WDPCP: variants seen among roughly 807,000 people sequenced by gnomAD.
WDPCP encodes WD repeat containing planar cell polarity effector, also known as WD repeat-containing and planar cell polarity effector protein fritz homolog.
In WDPCP, 71 loss-of-function variants were observed where a neutral mutation model predicts 93.1. That is an observed-to-expected ratio of 0.76 (90% CI 0.63 to 0.93). The LOEUF (loss-of-function observed/expected upper bound fraction) is 0.93, where lower values mean the gene tolerates loss of function less well. Ranked by LOEUF, WDPCP falls within the 40% of genes least tolerant of loss-of-function variation. The pLI is 0.00. For synonymous variants in WDPCP, 315 were observed against 315.0 expected (o/e 1.00, Z 0.00); for missense variants, 844 against 887.4 (o/e 0.95, Z 0.62).
At chr2:63,719,019 A>G (rs1669377355) in intron 2 of WDPCP, among the ~76,000 whole-genome samples, 1 of 152,258 alleles carries the variant, frequency 6.6e-6, no homozygotes, top group African/African-American at 2.4e-5. Context: ...AAAAGAAGAT[A>G]TGGAAAATTT....
chr2:63,185,990 T>C (rs1307234908), intron 14 of WDPCP, among the ~76,000 whole-genome samples: 1 of 152,020 alleles, frequency 6.6e-6, no homozygotes, highest in Admixed American at 6.6e-5. Flanking sequence ...ACCAAATGCC[T>C]GGAGATATGC....
rs950814256 is a variant in WDPCP, at chr2:63,488,537, G to A, written c.161-1043C>T. 7.2e-5 allele frequency among the ~76,000 whole-genome samples: 11 copies of A among 152,022 alleles called. No homozygotes were observed. The South Asian group carries it at 1.2e-3, about 17-fold the overall frequency. Reference sequence around the variant, plus strand: ...AATATATCTAATAAGGATTTATTGCGAAAAATCATGAGTAGGACTTCTTGG... The same window carrying A: ...AATATATCTAATAAGGATTTATTGCAAAAAATCATGAGTAGGACTTCTTGG... On this transcript the variant is annotated intron_variant, in intron 2 of 17. Coordinates refer to ENST00000272321, the MANE Select transcript of WDPCP (RefSeq NM_015910.7).
intron 12 of WDPCP, among the ~76,000 whole-genome samples, chr2:63,345,688 G>GTA (rs1689144266): frequency 6.6e-6 from 1 of 152,130 alleles, no homozygotes; most frequent in Admixed American, 6.6e-5. Context: ...TAAAGTCAGG[G>GTA]AACTGCTTAG....
intron 1 of WDPCP, among the ~76,000 whole-genome samples, chr2:63,526,952 C>T (rs960618977): frequency 2.6e-5 from 4 of 152,014 alleles, no homozygotes; most frequent in East Asian, 1.9e-4. Context: ...ATTCGATGAA[C>T]GGAGATTAGG....
intron 2 of WDPCP, among the ~76,000 whole-genome samples, chr2:63,714,367 C>T (rs1490107077): frequency 6.6e-6 from 1 of 152,002 alleles, no homozygotes; most frequent in South Asian, 2.1e-4. Context: ...CGCGCCTGGC[C>T]TTCCTTTTAT....
intron 2 of WDPCP, among the ~76,000 whole-genome samples, chr2:63,776,943 T>C (rs964384265): frequency 6.6e-6 from 1 of 152,182 alleles, no homozygotes; most frequent in Non-Finnish European, 1.5e-5. Flanking sequence ...GGGAAGAGGT[T>C]GGTCAATGAG....
chr2:63,263,766 G>A (rs566971141), intron 13 of WDPCP, among the ~76,000 whole-genome samples: 10 of 152,268 alleles, frequency 6.6e-5, no homozygotes, highest in Non-Finnish European at 1.2e-4. Context: ...TGGACATGGA[G>A]TAAAGCTCAT....
intron 13 of WDPCP, among the ~76,000 whole-genome samples, chr2:63,287,533 T>C (rs1286847904): frequency 6.6e-6 from 1 of 152,202 alleles, no homozygotes; most frequent in East Asian, 1.9e-4. Context: ...CTCCCAATTT[T>C]GGTAGCAATC....
chr2:63,319,027 C>T (rs766395377), intron 12 of WDPCP, among the ~76,000 whole-genome samples: 2 of 152,016 alleles, frequency 1.3e-5, no homozygotes, highest in Non-Finnish European at 2.9e-5. Flanking sequence ...ATAGACTGAC[C>T]CTAGACTTCT....
At chr2:63,615,446 C>T (rs1298252384) in intron 3 of WDPCP, among the ~76,000 whole-genome samples, 2 of 152,090 alleles carry the variant, frequency 1.3e-5, no homozygotes, top group African/African-American at 2.4e-5. Flanking sequence ...GCCAAGGAGC[C>T]GTCTGCATAA....
chr2:63,358,144 T>C (rs577688259), intron 12 of WDPCP, among the ~76,000 whole-genome samples: 1 of 152,266 alleles, frequency 6.6e-6, no homozygotes, highest in African/African-American at 2.4e-5. Context: ...CTAGGCTTAA[T>C]ACCTGGGTAA....
At chr2:63,393,682 A>C (rs1693474797) in intron 10 of WDPCP, among the ~76,000 whole-genome samples, 1 of 152,162 alleles carries the variant, frequency 6.6e-6, no homozygotes, top group Non-Finnish European at 1.5e-5. Context: ...ACTATACCAC[A>C]ATGATGCAAT....
intron 1 of WDPCP, among the ~76,000 whole-genome samples, chr2:63,554,996 C>A (rs147867927): frequency 6.6e-6 from 1 of 152,228 alleles, no homozygotes; most frequent in African/African-American, 2.4e-5. Flanking sequence ...TAGGAGATCC[C>A]CTCATGAGCT....
chr2:63,744,229 A>G (rs1000494873), intron 2 of WDPCP, among the ~76,000 whole-genome samples: 6 of 152,130 alleles, frequency 3.9e-5, no homozygotes, highest in Non-Finnish European at 7.4e-5. Flanking sequence ...GTTTAAGGAA[A>G]TGGTGCCTTC....
At chr2:63,326,468 A>G (rs182401812) in intron 12 of WDPCP, among the ~76,000 whole-genome samples, 40 of 152,272 alleles carry the variant, frequency 2.6e-4, no homozygotes, top group South Asian at 8.3e-4. Context: ...AACTAGTGGC[A>G]CTTACCTGAG....
At chr2:63,680,362 A>G (rs1395694189) in intron 2 of WDPCP, among the ~76,000 whole-genome samples, 2 of 152,220 alleles carry the variant, frequency 1.3e-5, no homozygotes, top group Admixed American at 6.5e-5. Flanking sequence ...GCTGCACAGC[A>G]TGGAGAATCT....
At chr2:63,164,319 G>A (rs772136610) in intron 15 of WDPCP, among the ~76,000 whole-genome samples, 1 of 152,134 alleles carries the variant, frequency 6.6e-6, no homozygotes, top group Non-Finnish European at 1.5e-5. Flanking sequence ...ATGTCAAACT[G>A]TAATCCCCAG....
chr2:63,483,524 CA>C (rs1345898628), intron 6 of WDPCP, among the ~76,000 whole-genome samples: 1 of 151,316 alleles, frequency 6.6e-6, no homozygotes, highest in African/African-American at 2.4e-5. Context: ...GTAGACTAGA[CA>C]AAAAAATGAG....
chr2:63,139,157 GTA>G (rs1670870654), intron 17 of WDPCP, among the ~76,000 whole-genome samples: 1 of 95,102 alleles, frequency 1.1e-5, no homozygotes, highest in African/African-American at 3.8e-5. Context: ...ATATGTGTAT[GTA>G]TATATGTGTA....
Sources: allele counts gnomAD v4.1 joint callset (sites outside exome capture counted in the v4.1 genomes callset), GRCh38; gene constraint gnomAD v4.1.1; transcripts MANE v1.5; gene names NCBI Gene and HGNC (gene_info 2026-07-23, HGNC 2026-07-21).